MUC5B: variants seen among roughly 807,000 people sequenced by gnomAD.
The protein encoded by MUC5B is mucin 5B, oligomeric mucus/gel-forming, also known as mucin-5B.
In MUC5B, 116 loss-of-function variants were observed where a neutral mutation model predicts 376.9. That is an observed-to-expected ratio of 0.31 (90% CI 0.26 to 0.36). The LOEUF (loss-of-function observed/expected upper bound fraction) is 0.36, where lower values mean the gene tolerates loss of function less well. Ranked by LOEUF, MUC5B falls within the 10% of genes least tolerant of loss-of-function variation. The pLI, the probability that MUC5B is intolerant of heterozygous loss-of-function variation, is 1.00. For synonymous variants in MUC5B, 3,517 were observed against 3,390.9 expected (o/e 1.04, Z -1.29); for missense variants, 7,165 against 7,769.9 (o/e 0.92, Z 2.93).
rs76348595 is a variant in MUC5B, at chr11:1,260,593, G to T, written c.16967-33G>T. 1.7e-5 allele frequency: 27 copies of T among 1,581,868 alleles called. No individual in the cohort carries two copies. In the East Asian group the frequency reaches 5.9e-4, roughly 34 times the overall value. ...TCCAGGCCCTCAGAGTGAGGGTCCAGTGGGGCTCCACATCTGCCTTTCCTC... is the reference window on the plus strand; with the variant it reads ...TCCAGGCCCTCAGAGTGAGGGTCCATTGGGGCTCCACATCTGCCTTTCCTC... On this transcript the variant is annotated intron_variant, in intron 47 of 48. Coordinates refer to ENST00000529681, the MANE Select transcript of MUC5B (RefSeq NM_002458.3).
Position 1,257,366 on chromosome 11 carries a change from G to A in MUC5B, c.16269+95G>A. On this transcript the variant is annotated intron_variant, in intron 40 of 48. Coordinates refer to ENST00000529681, the MANE Select transcript of MUC5B (RefSeq NM_002458.3). This position sits in a 1 kb window ranked among gnomAD's most constrained non-coding sequence, Gnocchi z 8.9. ...CCCCATCCCACAGGGCAGCTGTGGGGCGCCCGAGTGTGACGTGGACGTGCC... is the reference window on the plus strand; with the variant it reads ...CCCCATCCCACAGGGCAGCTGTGGGACGCCCGAGTGTGACGTGGACGTGCC... 3.4e-6 allele frequency: 3 copies of A among 873,402 alleles called. No homozygotes were observed. The highest frequency in any genetic ancestry group is 3.6e-5 in the Admixed American group (2 of 54,894). 54.1% of individuals were successfully genotyped at this position (873,402 alleles called of 1,614,324 possible).
In MUC5B at chr11:1,228,772, G is replaced by A. The variant is rs778432551; in HGVS notation, c.976+7G>A. 3 of 1,444,310 alleles carry A rather than the reference G, an allele frequency of 2.1e-6. No individual in the cohort carries two copies. The highest frequency in any genetic ancestry group is 2.7e-6 in the Non-Finnish European group (3 of 1,092,068). The allele number at this position is 1,444,310 out of a possible 1,614,324, so 89.5% of individuals were successfully genotyped here. A position where few individuals can be genotyped will look rare whatever the true frequency, so the allele number is the denominator to read the frequency against. ...AGGTGCCCTGAGCTCTGCCGTGAGTGCTCCCAGGGCCTTCGCCAGGGATTG... is the reference window on the plus strand; with the variant it reads ...AGGTGCCCTGAGCTCTGCCGTGAGTACTCCCAGGGCCTTCGCCAGGGATTG... On this transcript the variant is annotated splice_region_variant and intron_variant, in intron 8 of 48. Transcript: ENST00000529681.
rs1326366097 is a variant in MUC5B, at chr11:1,248,513, C to T, written c.11633C>T (p.Ser3878Phe). 3 of 1,612,854 alleles carry T rather than the reference C, an allele frequency of 1.9e-6. No individual in the cohort carries two copies. The highest frequency in any genetic ancestry group is 1.7e-5 in the Admixed American group (1 of 59,942). Residue 3878 changes from serine (S) to phenylalanine (F), a missense_variant, in exon 31 of 49, where the codon TCC becomes TTC. Coordinates refer to ENST00000529681, the MANE Select transcript of MUC5B (RefSeq NM_002458.3). ...ACCACGGGCTTCACAGTCACCCCCT[C>T]CTCCAGCCCAGGGACGGCACGCACG... is the stretch of plus-strand genomic sequence containing the variant. ...TTTTGFTVTP[S>F]SSPGTARTPP...
Position 1,245,226 on chromosome 11 carries a change from C to T in MUC5B, c.8346C>T (p.Thr2782=), listed in dbSNP as rs371106762. The change falls in exon 31 of 49, where the codon ACC becomes ACT. Residue 2782 remains threonine, a synonymous_variant. Transcript: ENST00000529681. ...TSATSGTLGT[T]HITEPSTGTS... ...CCACCTCAGGCACCTTGGGCACCAC[C>T]CACATCACAGAGCCTTCCACGGGGA... 57 of 1,597,080 alleles carry T rather than the reference C, an allele frequency of 3.6e-5. No homozygotes were observed. The highest frequency in any genetic ancestry group is 2.9e-4 in the African/African-American group (21 of 72,302).
chr11:1,228,890 G>C (rs1861956204), intron 8 of MUC5B, 125 bp downstream of exon 8: 1 of 998,810 alleles, frequency 1.0e-6, no homozygotes, highest in Non-Finnish European at 1.4e-6. Context: ...ACCCACCCCA[G>C]GCATAGTGGG....
At chr11:1,231,399 G>T in intron 13 of MUC5B, 24 bp from the exon 14 acceptor site, 1 of 1,596,128 alleles carries the variant, frequency 6.3e-7, no homozygotes. Flanking sequence ...CCCCTGACCG[G>T]CCTCTCCCCC....
chr11:1,236,639 T>A, intron 24 of MUC5B, 77 bp downstream of exon 24: 1 of 1,445,320 alleles, frequency 6.9e-7, no homozygotes, highest in Non-Finnish European at 9.4e-7. Flanking sequence ...AGGTGGGGTC[T>A]GTGGGACTCG....
rs1022903211 is a variant in MUC5B at position 1,232,926 on chromosome 11, G to A, written c.2066-87G>A. 1.9e-5 allele frequency: 28 copies of A among 1,470,472 alleles called. No homozygotes were observed. In the African/African-American group the frequency reaches 2.7e-4, roughly 14 times the overall value. The allele number at this position is 1,470,472 out of a possible 1,614,324, so 91.1% of individuals were successfully genotyped here. On this transcript the variant is annotated intron_variant, in intron 17 of 48. Coordinates refer to ENST00000529681, the MANE Select transcript of MUC5B (RefSeq NM_002458.3). ...AACCTCATGCCCTTGCGATCCCCAC[G>A]TCACAGACGGGGATGCTGAGTTGAA...
intron 14 of MUC5B, 54 bp from the exon 15 acceptor site, chr11:1,231,942 G>A (rs980732234): frequency 2.5e-6 from 4 of 1,607,864 alleles, no homozygotes; most frequent in Middle Eastern, 1.7e-4. Context: ...GCAGGGGCCA[G>A]GAGCCAGGTG....
rs1290550714 is a variant in MUC5B at position 1,251,246 on chromosome 11, C to T, written c.14366C>T (p.Thr4789Ile). The T allele has an allele frequency of 6.2e-7, 1 of 1,611,458 alleles. No homozygotes were observed. The highest frequency in any genetic ancestry group is 8.5e-7 in the Non-Finnish European group (1 of 1,178,298). ...HTSSTPETTH[T>I]STVLTTTATM... is the part of the protein sequence containing the mutation. ...TCCTCTACTCCAGAGACCACCCACA[C>T]CTCCACAGTGCTGACCACCACAGCC... Residue 4789 changes from threonine to isoleucine, a missense_variant, in exon 31 of 49, where the codon ACC (threonine) becomes ATC (isoleucine). Physicochemically the swap from Thr to Ile is moderately conservative, Grantham distance 89. This residue lies in a region of MUC5B where 730 missense variants were observed against 592.7 expected (regional missense o/e 1.23). Transcript: ENST00000529681.
At position 1,252,766 on chromosome 11, in the gene MUC5B, C is replaced by T. The variant is rs184389300; in HGVS notation, c.15046-43C>T. The T allele has an allele frequency of 2.9e-5, 45 of 1,555,980 alleles. No homozygotes were observed. The East Asian group carries it at 6.0e-4, about 21-fold the overall frequency. On this transcript the variant is annotated intron_variant, in intron 32 of 48. Coordinates refer to ENST00000529681, the MANE Select transcript of MUC5B (RefSeq NM_002458.3). Reference sequence around the variant, plus strand: ...GGTGGGATGAGCCGTGGATGGGTCCCGTGAGCTGGTCCAGGTGAGGACGTG... The same window carrying T: ...GGTGGGATGAGCCGTGGATGGGTCCTGTGAGCTGGTCCAGGTGAGGACGTG...
chr11:1,261,628 C>A lies in MUC5B; in HGVS notation c.*20C>A, dbSNP rs759356950. ...GTCTGAGAACGTTCTGCCTCCATCC[C>A]CATGCTCTGTCCACCTGGAGCCAGG... On this transcript the variant is annotated 3_prime_UTR_variant, in exon 49 of 49. Transcript: ENST00000529681. The A allele has an allele frequency of 9.5e-6, 15 of 1,582,768 alleles. No individual in the cohort carries two copies. The highest frequency in any genetic ancestry group is 1.3e-5 in the Non-Finnish European group (15 of 1,164,220).
At position 1,237,008 on chromosome 11, in the gene MUC5B, C is replaced by T. The variant is rs147453989; in HGVS notation, c.3141C>T (p.Asp1047=). Residue 1047 remains aspartate (D), a synonymous_variant, in exon 25 of 49, where the codon GAC becomes GAT. Transcript: ENST00000529681. ...FATRSRSVVG[D]ALEFGNSWKL... ...CGCGTAGCCGGTCCGTGGTGGGGGA[C>T]GCACTGGAGTTTGGGAACAGCTGGA... 155 of 1,573,580 alleles carry T rather than the reference C, an allele frequency of 9.9e-5. No individual in the cohort carries two copies. Among genetic ancestry groups the T allele is most frequent in the Non-Finnish European group, 1.1e-4 (132 of 1,159,500 alleles).
At chr11:1,232,424 G>A (rs1862048359) in intron 15 of MUC5B, 26 bp from the exon 16 acceptor site, 2 of 1,580,170 alleles carry the variant, frequency 1.3e-6, no homozygotes, top group Non-Finnish European at 1.7e-6. Flanking sequence ...GCAGGGCGTG[G>A]AGATGAGGTC....
rs1862048976 is a variant in MUC5B at position 1,232,451 on chromosome 11, G to C, written c.1845G>C (p.Glu615Asp). Residue 615 changes from glutamate to aspartate, a missense_variant and splice_region_variant, in exon 16 of 49, where the codon GAG becomes GAC. Physicochemically the swap from Glu to Asp is conservative, Grantham distance 45 (BLOSUM62 2). Around this residue, in one of 31 missense-constraint regions of MUC5B, gnomAD observed 530 missense variants for 604.0 expected, o/e 0.88. Coordinates refer to ENST00000529681, the MANE Select transcript of MUC5B (RefSeq NM_002458.3). ...GATGAGGTCAGGTCTTCCCCACAGA[G>C]AACTACGCCCGGCACTGGTGCTCGC... is the stretch of plus-strand genomic sequence containing the variant. ...EDPCSLSVEN[E>D]NYARHWCSRL... is the part of the protein sequence containing the mutation. 3 of 1,604,046 alleles carry C rather than the reference G, an allele frequency of 1.9e-6. No homozygotes were observed. The East Asian group carries it at 6.8e-5, about 36-fold the overall frequency.
chr11:1,226,462 CA>C, intron 3 of MUC5B, 152 bp from the exon 4 acceptor site: 1 of 1,300,262 alleles, frequency 7.7e-7, no homozygotes, highest in Non-Finnish European at 1.1e-6. Flanking sequence ...GGTCTTGGAG[CA>C]AAACAGACGC....
Position 1,257,286 on chromosome 11 carries a change from C to T in MUC5B, c.16269+15C>T. On this transcript the variant is annotated intron_variant, in intron 40 of 48. Coordinates refer to ENST00000529681, the MANE Select transcript of MUC5B (RefSeq NM_002458.3). The surrounding 1 kb of genome is among the most constrained non-coding windows in gnomAD (Gnocchi z 8.9). ...TTCCTAAATTTGTGAGTGGCTCCACCCCCACCTGCCCTACCCCACCCTCTC... is the reference window on the plus strand; with the variant it reads ...TTCCTAAATTTGTGAGTGGCTCCACTCCCACCTGCCCTACCCCACCCTCTC... The T allele has an allele frequency of 1.3e-6, 1 of 781,568 alleles. No homozygotes were observed. Among genetic ancestry groups the T allele is most frequent in the Non-Finnish European group, 2.4e-6 (1 of 419,832 alleles). The allele number at this position is 781,568 out of a possible 1,614,324, so 48.4% of individuals were successfully genotyped here. A position where few individuals can be genotyped will look rare whatever the true frequency, so the allele number is the denominator to read the frequency against.
intron 18 of MUC5B, 109 bp from the exon 19 acceptor site, chr11:1,233,684 A>T (rs1862086912): frequency 9.6e-7 from 1 of 1,044,442 alleles, no homozygotes; most frequent in Non-Finnish European, 1.4e-6. Context: ...CCTTACAAGG[A>T]GGTGGCCAGG....
chr11:1,224,286 C>T (rs867336277), intron 1 of MUC5B, among the ~76,000 whole-genome samples: 12 of 152,194 alleles, frequency 7.9e-5, no homozygotes, highest in Middle Eastern at 6.8e-3. Flanking sequence ...GTCCTGTGGC[C>T]GGGGAAGGCA....
Sources: gnomAD v4.1 joint callset for allele counts (sites outside exome capture counted in the v4.1 genomes callset) on GRCh38, gnomAD v4.1.1 for gene constraint, gnomAD v4.1.1 regional missense constraint, Gnocchi (gnomAD v3.1) non-coding constraint, MANE v1.5 for transcripts, NCBI Gene and HGNC (gene_info 2026-07-23, HGNC 2026-07-21) for gene names.